FBXO6: variants seen among roughly 807,000 people sequenced by gnomAD.
FBXO6 encodes the protein F-box protein 6.
FBXO6 carries 13 observed loss-of-function variants against 25.0 expected under a neutral mutation model. That is an observed-to-expected ratio of 0.52 (90% CI 0.34 to 0.83). The LOEUF is 0.83. FBXO6 is among the 40% of genes least tolerant of loss of function. FBXO6 has a pLI of 0.02. For synonymous variants in FBXO6, 138 were observed against 155.3 expected, an observed-to-expected ratio of 0.89 and a Z score of 0.83; for missense variants, 370 against 380.2, an observed-to-expected ratio of 0.97 and a Z score of 0.22.
chr1:11,671,524 GC>G, intron 3 of FBXO6, 132 bp downstream of exon 3: 2 of 1,296,790 alleles, frequency 1.5e-6, no homozygotes, highest in Non-Finnish European at 1.1e-6. Flanking sequence ...CCCAAAACTT[GC>G]CCAGAGTCAC....
At chr1:11,671,831 C>T (rs761687798) in intron 3 of FBXO6, 97 bp from the exon 4 acceptor site, 70 of 1,129,418 alleles carry the variant, frequency 6.2e-5, no homozygotes, top group Non-Finnish European at 8.6e-5. Flanking sequence ...GTCCCCAAAC[C>T]ACCTCCCTGG....
At chr1:11,669,048 A>G in intron 2 of FBXO6, 104 bp downstream of exon 2, 2 of 1,395,776 alleles carry the variant, frequency 1.4e-6, no homozygotes, top group South Asian at 1.4e-5. Flanking sequence ...CTCTAACCCT[A>G]AACACCCACC....
chr1:11,669,466 CAAAA>C lies in FBXO6; in HGVS notation c.286+535_286+538del, dbSNP rs745895557. Among the ~76,000 whole-genome samples, 1,193 of 120,614 alleles carry C rather than the reference CAAAA, an allele frequency of 9.9e-3. 19 individuals carry two copies. The highest frequency in any genetic ancestry group is 0.034 in the African/African-American group (1,118 of 33,186). 79.1% of individuals were successfully genotyped at this position (120,614 alleles called of 152,430 possible). On this transcript the variant is annotated intron_variant, in intron 2 of 5. Transcript: ENST00000376753. ...GTGACAAGAGTGAAACTTTTAGTCTCAAAAAAAAAAAAAAAATTTTTTTTTCAGA... is the reference window on the plus strand; with the variant it reads ...GTGACAAGAGTGAAACTTTTAGTCTCAAAAAAAAAAAATTTTTTTTTCAGA...
At position 11,673,423 on chromosome 1, in the gene FBXO6, A is replaced by C; in HGVS notation, c.645+11A>C. Reference sequence around the variant, plus strand: ...GCCACATGGACAGAGGTGAGGCCTCACCCACTTGCTCTCTCTACCCACTCC... The same window carrying C: ...GCCACATGGACAGAGGTGAGGCCTCCCCCACTTGCTCTCTCTACCCACTCC... On this transcript the variant is annotated intron_variant, in intron 5 of 5. Transcript: ENST00000376753. The surrounding 1 kb of genome is among the most constrained non-coding windows in gnomAD (Gnocchi z 4.3). The C allele has an allele frequency of 6.2e-7, 1 of 1,613,236 alleles. No individual in the cohort carries two copies. Among genetic ancestry groups the C allele is most frequent in the Non-Finnish European group, 8.5e-7 (1 of 1,179,650 alleles).
chr1:11,670,881 T>C (rs1476273396), intron 2 of FBXO6, among the ~76,000 whole-genome samples: 1 of 152,238 alleles, frequency 6.6e-6, no homozygotes, highest in South Asian at 2.1e-4. Context: ...TTAGAATTTC[T>C]GGTAACACGC....
chr1:11,672,855 AG>A (rs1017434010), intron 4 of FBXO6, among the ~76,000 whole-genome samples: 4 of 152,164 alleles, frequency 2.6e-5, no homozygotes, highest in African/African-American at 9.7e-5. Context: ...GCAGAGCTGC[AG>A]GGGGGAGAGG....
In FBXO6 at chr1:11,673,489, G is replaced by A; in HGVS notation, c.645+77G>A. The A allele has an allele frequency of 6.3e-7, 1 of 1,586,432 alleles. No homozygotes were observed. Among genetic ancestry groups the A allele is most frequent in the Non-Finnish European group, 8.6e-7 (1 of 1,163,312 alleles). ...GGCAGGAAGCAAAGGGCAGCCTCAG[G>A]GCCCAGGGTGCCCCTGCTGGCCTGG... On this transcript the variant is annotated intron_variant, in intron 5 of 5. Coordinates refer to ENST00000376753, the MANE Select transcript of FBXO6 (RefSeq NM_018438.6). The surrounding 1 kb of genome is among the most constrained non-coding windows in gnomAD (Gnocchi z 4.3).
At position 11,673,727 on chromosome 1, in the gene FBXO6, G is replaced by A; in HGVS notation, c.758G>A (p.Ser253Asn). The change falls in exon 6 of 6, where the codon AGC becomes AAC. Residue 253 changes from serine to asparagine, a missense_variant. Coordinates refer to ENST00000376753, the MANE Select transcript of FBXO6 (RefSeq NM_018438.6). This position sits in a 1 kb window ranked among gnomAD's most constrained non-coding sequence, Gnocchi z 4.3. ...TGGTATGGGCCCCGAGTCACCAACA[G>A]CAGCATTGTCGTCAGCCCCAAGATG... ...AGWYGPRVTNSSIVVSPKMTR... is the reference protein window; with the variant it reads ...AGWYGPRVTNNSIVVSPKMTR... 1.9e-6 allele frequency: 3 copies of A among 1,614,122 alleles called. No homozygotes were observed. Among genetic ancestry groups the A allele is most frequent in the Non-Finnish European group, 2.5e-6 (3 of 1,180,028 alleles).
intron 2 of FBXO6, among the ~76,000 whole-genome samples, chr1:11,670,638 AGGG>A (rs35421888): frequency 3.2e-4 from 43 of 134,970 alleles, no homozygotes; most frequent in African/African-American, 4.8e-4. Flanking sequence ...TAAAAAAAAA[AGGG>A]GGGGGGGGTG....
rs1037989817 is a variant in FBXO6 at position 11,673,824 on chromosome 1, C to T, written c.855C>T (p.Pro285=). Residue 285 remains proline, a synonymous_variant, in exon 6 of 6, where the codon CCC becomes CCT. Coordinates refer to ENST00000376753, the MANE Select transcript of FBXO6 (RefSeq NM_018438.6). The surrounding 1 kb of genome is among the most constrained non-coding windows in gnomAD (Gnocchi z 4.3). The part of the protein sequence containing the change: ...KHGQEEAAQS[P]YRAVVQIF ...GACAGGAGGAGGCTGCCCAATCGCCCTACCGAGCTGTTGTCCAGATTTTCT... is the reference window on the plus strand; with the variant it reads ...GACAGGAGGAGGCTGCCCAATCGCCTTACCGAGCTGTTGTCCAGATTTTCT... 1.2e-6 allele frequency: 2 copies of T among 1,614,106 alleles called. No homozygotes were observed. The highest frequency in any genetic ancestry group is 2.2e-5 in the South Asian group (2 of 91,086).
At chr1:11,670,827 T>C (rs990044746) in intron 2 of FBXO6, among the ~76,000 whole-genome samples, 13 of 152,176 alleles carry the variant, frequency 8.5e-5, no homozygotes. Flanking sequence ...ACTTGGGTAT[T>C]TCCCAGAGTT....
In FBXO6 at chr1:11,671,327, C is replaced by G; in HGVS notation, c.348C>G (p.Leu116=). The G allele has an allele frequency of 6.2e-7, 1 of 1,614,144 alleles. No individual in the cohort carries two copies. Among genetic ancestry groups the G allele is most frequent in the Non-Finnish European group, 8.5e-7 (1 of 1,180,010 alleles). ...NGGDRWKVES[L]PGAHGTDFPD... The stretch of plus-strand genomic sequence containing the variant: ...GGGACCGCTGGAAGGTGGAGAGCCT[C>G]CCTGGAGCCCACGGGACAGATTTTC... Residue 116 remains leucine, a synonymous_variant, in exon 3 of 6, where the codon CTC becomes CTG. Coordinates refer to ENST00000376753, the MANE Select transcript of FBXO6 (RefSeq NM_018438.6).
intron 2 of FBXO6, among the ~76,000 whole-genome samples, chr1:11,669,762 A>G (rs1363982309): frequency 7.0e-6 from 1 of 142,514 alleles, no homozygotes; most frequent in Non-Finnish European, 1.5e-5. Context: ...ACACACACAC[A>G]AGTAGTTGGG....
At chr1:11,670,746 C>A (rs57770913) in intron 2 of FBXO6, among the ~76,000 whole-genome samples, 2 of 152,070 alleles carry the variant, frequency 1.3e-5, no homozygotes, top group African/African-American at 4.8e-5. Flanking sequence ...CGCAAGCCAC[C>A]GTGCCCGGCT....
chr1:11,665,215 CTTTTTTTTTTT>C (rs541103021), intron 1 of FBXO6, among the ~76,000 whole-genome samples: 4 of 61,588 alleles, frequency 6.5e-5, no homozygotes, highest in African/African-American at 1.4e-4. Flanking sequence ...TAGCTAATTT[CTTTTTTTTTTT>C]TTTTTTTTTT....
intron 1 of FBXO6, among the ~76,000 whole-genome samples, chr1:11,666,625 G>A (rs3125819): frequency 0.34 from 51,194 of 151,656 alleles, 9,961 homozygotes; most frequent in Admixed American, 0.46. Context: ...CTTGTGATCC[G>A]CACCCCTCGG....
At position 11,673,120 on chromosome 1, in the gene FBXO6, G is replaced by A. The variant is rs1253750887; in HGVS notation, c.510-157G>A. 3.9e-5 allele frequency among the ~76,000 whole-genome samples: 6 copies of A among 152,198 alleles called. No homozygotes were observed. Among genetic ancestry groups the A allele is most frequent in the African/African-American group, 1.4e-4 (6 of 41,456 alleles). On this transcript the variant is annotated intron_variant, in intron 4 of 5. Coordinates refer to ENST00000376753, the MANE Select transcript of FBXO6 (RefSeq NM_018438.6). This position sits in a 1 kb window ranked among gnomAD's most constrained non-coding sequence, Gnocchi z 4.3. ...CAGCTTATCCCCGGGCCACAGTGGG[G>A]CATAGGGAGCGCTGAAGCCAGCTGG...
rs1348499089 is a variant in FBXO6, at chr1:11,674,029, G to C, written c.*178G>C. 4 of 615,050 alleles carry C rather than the reference G, an allele frequency of 6.5e-6. No homozygotes were observed. The highest frequency in any genetic ancestry group is 1.1e-5 in the Non-Finnish European group (4 of 348,416). 38.1% of individuals were successfully genotyped at this position (615,050 alleles called of 1,614,324 possible). ...GTTGTAATAAATGTTTTCAGGCCGG[G>C]CACTGTGGCTCACGCCTGTAATCCC... On this transcript the variant is annotated 3_prime_UTR_variant, in exon 6 of 6. Transcript: ENST00000376753. This position sits in a 1 kb window ranked among gnomAD's most constrained non-coding sequence, Gnocchi z 6.1.
intron 4 of FBXO6, 154 bp downstream of exon 4, chr1:11,672,177 C>T: frequency 1.6e-6 from 1 of 639,290 alleles, no homozygotes; most frequent in Admixed American, 2.6e-5. Flanking sequence ...GCACCCACAC[C>T]CTGCGGCACC....
Sources: allele counts gnomAD v4.1 joint callset (sites outside exome capture counted in the v4.1 genomes callset), GRCh38; gene constraint gnomAD v4.1.1; non-coding constraint Gnocchi (gnomAD v3.1); transcripts MANE v1.5; gene names NCBI Gene and HGNC (gene_info 2026-07-23, HGNC 2026-07-21).